AGPAT5: variants seen among roughly 807,000 people sequenced by gnomAD.
AGPAT5 encodes the protein 1-acylglycerol-3-phosphate O-acyltransferase 5.
Under a neutral mutation model 45.6 loss-of-function variants are expected in AGPAT5, and 46 were observed. The ratio of observed to expected loss-of-function variants is 1.01; its 90% CI spans 0.80 to 1.29. The LOEUF (loss-of-function observed/expected upper bound fraction) is 1.29. Among genes scored for constraint, AGPAT5 ranks in the 50% most tolerant of loss-of-function variants. AGPAT5 has a pLI of 0.00. For synonymous variants in AGPAT5, 272 were observed against 167.0 expected (o/e 1.63, Z -4.85); for missense variants, 673 against 450.7 (o/e 1.49, Z -4.47).
At chr8:6,743,389 C>A (rs540952174) in intron 5 of AGPAT5, among the ~76,000 whole-genome samples, 1 of 152,338 alleles carries the variant, frequency 6.6e-6, no homozygotes, top group South Asian at 2.1e-4. Flanking sequence ...CTTCGCTTGA[C>A]TGGCCCAAAA....
chr8:6,736,751 A>T (rs1350220106), intron 4 of AGPAT5, among the ~76,000 whole-genome samples: 1 of 152,242 alleles, frequency 6.6e-6, no homozygotes, highest in African/African-American at 2.4e-5. Flanking sequence ...CCATTCAGGC[A>T]GTGCAGCCAG....
At chr8:6,728,501 A>C (rs971226408) in intron 2 of AGPAT5, among the ~76,000 whole-genome samples, 1 of 152,218 alleles carries the variant, frequency 6.6e-6, no homozygotes. Flanking sequence ...AGGGCAGCTT[A>C]TTATGAACAT....
At chr8:6,722,546 A>T (rs1226451803) in intron 1 of AGPAT5, among the ~76,000 whole-genome samples, 1 of 152,192 alleles carries the variant, frequency 6.6e-6, no homozygotes, top group Non-Finnish European at 1.5e-5. Flanking sequence ...GGTGTTAAGC[A>T]TGTGATTACT....
At chr8:6,724,266 G>A (rs929107127) in intron 1 of AGPAT5, among the ~76,000 whole-genome samples, 9 of 152,042 alleles carry the variant, frequency 5.9e-5, no homozygotes, top group African/African-American at 1.9e-4. Context: ...CTCCTCAGCC[G>A]CGACACTGCC....
chr8:6,753,589 C>T (rs1374975921), intron 6 of AGPAT5, among the ~76,000 whole-genome samples: 1 of 151,988 alleles, frequency 6.6e-6, no homozygotes, highest in Non-Finnish European at 1.5e-5. Context: ...AGACTTGCAC[C>T]CTTAGGCACA....
intron 1 of AGPAT5, among the ~76,000 whole-genome samples, chr8:6,724,285 C>G (rs528370492): frequency 6.6e-6 from 1 of 152,286 alleles, no homozygotes; most frequent in South Asian, 2.1e-4. Context: ...CCCATGTTCC[C>G]AACAGGCCTC....
intron 7 of AGPAT5, among the ~76,000 whole-genome samples, chr8:6,755,771 G>C (rs73661470): frequency 0.035 from 5,291 of 152,210 alleles, 294 homozygotes; most frequent in African/African-American, 0.12. Flanking sequence ...TTACAGTACA[G>C]TGTTTTTAAT....
intron 5 of AGPAT5, chr8:6,745,922 A>G (rs1801435856): frequency 6.6e-6 from 1 of 152,084 alleles, no homozygotes; most frequent in African/African-American, 2.4e-5. Flanking sequence ...AGTATGCCCA[A>G]TTTGAACTCA....
chr8:6,741,354 C>T (rs1801239746), intron 4 of AGPAT5, among the ~76,000 whole-genome samples: 1 of 151,862 alleles, frequency 6.6e-6, no homozygotes, highest in African/African-American at 2.4e-5. Flanking sequence ...TTGTATGAGT[C>T]AGCGTTTCAT....
At chr8:6,715,308 G>C (rs960045172) in intron 1 of AGPAT5, among the ~76,000 whole-genome samples, 6 of 152,320 alleles carry the variant, frequency 3.9e-5, no homozygotes, top group African/African-American at 1.4e-4. Context: ...AGCTTGGAAG[G>C]TAATGTAGTC....
At chr8:6,716,803 A>C (rs2912067) in intron 1 of AGPAT5, among the ~76,000 whole-genome samples, 105,845 of 152,026 alleles carry the variant, frequency 0.7, 37,339 homozygotes, top group East Asian at 0.81. Context: ...ATTGCACTCC[A>C]GACTGGGCAA....
rs527704995 is a variant in AGPAT5, at chr8:6,742,029, T to G, written c.586+278T>G. Among the ~76,000 whole-genome samples, 5 of 152,292 alleles carry G rather than the reference T, an allele frequency of 3.3e-5. No individual in the cohort carries two copies. In the South Asian group the frequency reaches 1.0e-3, roughly 32 times the overall value. Reference sequence around the variant, plus strand: ...TTTAAAATCTATCTAAGTACATGATTATGTAGATGGAAGCTTTTTCTACAG... The same window carrying G: ...TTTAAAATCTATCTAAGTACATGATGATGTAGATGGAAGCTTTTTCTACAG... On this transcript the variant is annotated intron_variant, in intron 5 of 7. Coordinates refer to ENST00000285518, the MANE Select transcript of AGPAT5 (RefSeq NM_018361.5).
At chr8:6,745,319 C>G (rs985083194) in intron 5 of AGPAT5, 1 of 154,396 alleles carries the variant, frequency 6.5e-6, no homozygotes, top group African/African-American at 2.4e-5. Flanking sequence ...AGGGGTTTCT[C>G]CCAGCTTGCA....
chr8:6,714,359 T>A (rs975345944), intron 1 of AGPAT5, among the ~76,000 whole-genome samples: 1 of 152,204 alleles, frequency 6.6e-6, no homozygotes, highest in Non-Finnish European at 1.5e-5. Context: ...CATTTCCCAA[T>A]CAAATACAAT....
At chr8:6,708,922 A>T (rs1270416226) in intron 1 of AGPAT5, 35 bp downstream of exon 1, 3 of 1,573,880 alleles carry the variant, frequency 1.9e-6, no homozygotes, top group Non-Finnish European at 2.6e-6. Flanking sequence ...CTCGGCGTCC[A>T]CCCGAGCTCC....
chr8:6,713,349 A>T lies in AGPAT5; in HGVS notation c.219+4462A>T, dbSNP rs528174011. ...TGGAATTTACTTCAGAATATATTTT[A>T]CATTAGTGGCTCTGACTGCTAATTC... On this transcript the variant is annotated intron_variant, in intron 1 of 7. Transcript: ENST00000285518. 5.5e-4 allele frequency among the ~76,000 whole-genome samples: 84 copies of T among 152,350 alleles called. 1 individual carries two copies. The South Asian group carries it at 0.01, about 18-fold the overall frequency.
At chr8:6,723,245 G>T (rs1800567336) in intron 1 of AGPAT5, among the ~76,000 whole-genome samples, 1 of 152,194 alleles carries the variant, frequency 6.6e-6, no homozygotes, top group African/African-American at 2.4e-5. Flanking sequence ...TCAGGCCATT[G>T]AGGAGCTCAT....
At chr8:6,728,250 G>C (rs1285634183) in intron 2 of AGPAT5, among the ~76,000 whole-genome samples, 1 of 152,182 alleles carries the variant, frequency 6.6e-6, no homozygotes, top group African/African-American at 2.4e-5. Context: ...TGCTATCTTA[G>C]TTAAATTATG....
Position 6,735,848 on chromosome 8 carries a change from C to CTTTTTTTTTTTTTTTTT in AGPAT5, c.495+3198_495+3199insTTTTTTTTTTTTTTTTT, listed in dbSNP as rs1563295313. ...GTGTTCCTGTTTATTCTTTATATAG[C>CTTTTTTTTTTTTTTTTT]CTTTTTTTTTTTTTTTTTTTTTTTG... On this transcript the variant is annotated intron_variant, in intron 4 of 7. Coordinates refer to ENST00000285518, the MANE Select transcript of AGPAT5 (RefSeq NM_018361.5). Among the ~76,000 whole-genome samples, 3 of 53,614 alleles carry CTTTTTTTTTTTTTTTTT rather than the reference C, an allele frequency of 5.6e-5. 1 individual carries two copies. The highest frequency in any genetic ancestry group is 1.7e-4 in the African/African-American group (3 of 18,162). The allele number at this position is 53,614 out of a possible 152,430, so 35.2% of individuals were successfully genotyped here.
Sources: allele counts gnomAD v4.1 joint callset (sites outside exome capture counted in the v4.1 genomes callset), GRCh38; gene constraint gnomAD v4.1.1; transcripts MANE v1.5; gene names NCBI Gene and HGNC (gene_info 2026-07-23, HGNC 2026-07-21).